DCHS2: variants seen among roughly 807,000 people sequenced by gnomAD.
DCHS2 encodes dachsous cadherin-related 2.
Under a neutral mutation model 182.4 loss-of-function variants are expected in DCHS2, and 142 were observed. The observed-to-expected ratio is 0.78, with a 90% CI of 0.68 to 0.89. The LOEUF is 0.89. Ranked by LOEUF, DCHS2 falls within the 40% of genes least tolerant of loss-of-function variation. DCHS2 has a pLI of 0.00. For missense variants in DCHS2, 4,319 were observed against 4,198.6 expected (o/e 1.03, Z -0.79); for synonymous variants, 1,740 against 1,663.3 (o/e 1.05, Z -1.12).
chr4:154,464,726 C>G (rs1735165458), intron 1 of DCHS2, among the ~76,000 whole-genome samples: 1 of 152,126 alleles, frequency 6.6e-6, no homozygotes, highest in Admixed American at 6.5e-5. Context: ...GAGACTGAGG[C>G]TGAACAGGAT....
At chr4:154,404,444 C>T (rs976950192) in intron 1 of DCHS2, among the ~76,000 whole-genome samples, 1 of 152,170 alleles carries the variant, frequency 6.6e-6, no homozygotes, top group African/African-American at 2.4e-5. Flanking sequence ...AACACGTGAT[C>T]TATGATGCTG....
rs751119232 is a variant in DCHS2, at chr4:154,235,733, A to G, written c.8919T>C (p.Thr2973=). 3.1e-6 allele frequency: 5 copies of G among 1,613,990 alleles called. No individual in the cohort carries two copies. The Admixed American group carries it at 5.0e-5, about 16-fold the overall frequency. The change falls in exon 20 of 20, where the codon ACT becomes ACC. Residue 2973 remains threonine, a synonymous_variant. Transcript: ENST00000357232. ...AGGAGAAAGACACATTCACAAAAAC[A>G]GTGCAAGATGCAAACTTGGAATCTG... ...PKSDSKFASC[T]VFVNVSFSSE... is the part of the protein sequence containing the mutation.
rs1298033009 is a variant in DCHS2 at position 154,233,342 on chromosome 4, T to G, written c.*1194A>C. The G allele has an allele frequency of 6.6e-6, 1 of 152,144 alleles. No homozygotes were observed. The highest frequency in any genetic ancestry group is 1.5e-5 in the Non-Finnish European group (1 of 68,010). The allele number at this position is 152,144 out of a possible 1,614,324, so 9.4% of individuals were successfully genotyped here. Reference sequence around the variant, plus strand: ...GTGAGCACCATCTAGCACTGCTATATTTCTAAAATAGTAATTGTACAGAGT... The same window carrying G: ...GTGAGCACCATCTAGCACTGCTATAGTTCTAAAATAGTAATTGTACAGAGT... On this transcript the variant is annotated 3_prime_UTR_variant, in exon 20 of 20. Transcript: ENST00000357232.
At position 154,308,606 on chromosome 4, in the gene DCHS2, A is replaced by C. The variant is rs1735545596; in HGVS notation, c.5261-3375T>G. Reference sequence around the variant, plus strand: ...TCAGAGTTTCTCTCTAGAGTGGAAGATGATTAAATCAACGAGTAATGGAAA... The same window carrying C: ...TCAGAGTTTCTCTCTAGAGTGGAAGCTGATTAAATCAACGAGTAATGGAAA... On this transcript the variant is annotated intron_variant, in intron 10 of 19. Transcript: ENST00000357232. Among the ~76,000 whole-genome samples the C allele has an allele frequency of 1.3e-5, 2 of 152,226 alleles. 1 individual carries two copies. The highest frequency in any genetic ancestry group is 4.1e-4 in the South Asian group (2 of 4,826).
At chr4:154,397,613 G>A (rs1026989860) in intron 1 of DCHS2, among the ~76,000 whole-genome samples, 1 of 152,106 alleles carries the variant, frequency 6.6e-6, no homozygotes, top group Non-Finnish European at 1.5e-5. Flanking sequence ...CCTCCTTAGT[G>A]GGTACCTTTT....
intron 1 of DCHS2, among the ~76,000 whole-genome samples, chr4:154,487,955 A>G (rs1426194707): frequency 6.6e-6 from 1 of 152,188 alleles, no homozygotes; most frequent in Non-Finnish European, 1.5e-5. Flanking sequence ...AGGCGGGAGT[A>G]TCATTTGAGC....
intron 13 of DCHS2, among the ~76,000 whole-genome samples, chr4:154,293,896 A>G (rs1288319947): frequency 1.3e-5 from 2 of 152,158 alleles, no homozygotes; most frequent in South Asian, 2.1e-4. Flanking sequence ...TGGAGGCCCC[A>G]AGCTTTGTGC....
intron 1 of DCHS2, among the ~76,000 whole-genome samples, chr4:154,431,104 T>A (rs1406038095): frequency 6.6e-6 from 1 of 152,194 alleles, no homozygotes; most frequent in African/African-American, 2.4e-5. Flanking sequence ...CCCAAAAAAA[T>A]CTGCTGAGAT....
At position 154,261,097 on chromosome 4, in the gene DCHS2, A is replaced by G. The variant is rs575154544; in HGVS notation, c.6578-1341T>C. ...TCAAATAGAGAGTTTCTGAATGAAC[A>G]CTAATTTGGAGTTAGAGAAACCTGA... On this transcript the variant is annotated intron_variant, in intron 14 of 19. Coordinates refer to ENST00000357232, the MANE Select transcript of DCHS2 (RefSeq NM_001358235.2). Among the ~76,000 whole-genome samples, 39 of 152,284 alleles carry G rather than the reference A, an allele frequency of 2.6e-4. 1 individual carries two copies. The highest frequency in any genetic ancestry group is 5.1e-4 in the Non-Finnish European group (35 of 68,014).
At chr4:154,278,985 GA>G in intron 13 of DCHS2, among the ~76,000 whole-genome samples, 1 of 152,048 alleles carries the variant, frequency 6.6e-6, no homozygotes, top group African/African-American at 2.4e-5. Context: ...CAATAGTGAT[GA>G]AAAAATCACT....
At chr4:154,458,704 C>A (rs1253897941) in intron 1 of DCHS2, among the ~76,000 whole-genome samples, 1 of 152,104 alleles carries the variant, frequency 6.6e-6, no homozygotes, top group African/African-American at 2.4e-5. Flanking sequence ...CAAATATGTG[C>A]AGATATATGC....
At chr4:154,430,909 T>C (rs1733533644) in intron 1 of DCHS2, among the ~76,000 whole-genome samples, 1 of 152,222 alleles carries the variant, frequency 6.6e-6, no homozygotes, top group Non-Finnish European at 1.5e-5. Flanking sequence ...GGCTCTCTTC[T>C]GTTCCATTGA....
At chr4:154,415,446 G>A (rs1289717637) in intron 1 of DCHS2, among the ~76,000 whole-genome samples, 1 of 152,164 alleles carries the variant, frequency 6.6e-6, no homozygotes, top group East Asian at 1.9e-4. Flanking sequence ...GCCTCTGGGG[G>A]TGCCACCACA....
chr4:154,424,124 T>C (rs1031654993), intron 1 of DCHS2, among the ~76,000 whole-genome samples: 2 of 152,214 alleles, frequency 1.3e-5, no homozygotes, highest in African/African-American at 4.8e-5. Context: ...GTTTCATTGC[T>C]GCATCCTTGG....
chr4:154,455,548 T>C (rs1173033258), intron 1 of DCHS2, among the ~76,000 whole-genome samples: 2 of 152,214 alleles, frequency 1.3e-5, no homozygotes, highest in Non-Finnish European at 2.9e-5. Context: ...TTTGCTTGGC[T>C]CCATTTTGCA....
chr4:154,418,550 A>G (rs1231600010), intron 1 of DCHS2, among the ~76,000 whole-genome samples: 1 of 152,226 alleles, frequency 6.6e-6, no homozygotes, highest in African/African-American at 2.4e-5. Context: ...TTTATTTCAG[A>G]AGAGCCAATG....
In DCHS2 at chr4:154,234,954, T is replaced by G; in HGVS notation, c.9698A>C (p.His3233Pro). Residue 3233 changes from histidine to proline, a missense_variant, in exon 20 of 20, where the codon CAC becomes CCC. His to Pro is a moderately conservative substitution (Grantham distance 77, BLOSUM62 -2). Coordinates refer to ENST00000357232, the MANE Select transcript of DCHS2 (RefSeq NM_001358235.2). ...CTCCCAACTAAGAAGATAATTCCAG[T>G]GATAGTTGTCTTTTCCATCATGATC... The part of the protein sequence containing the change: ...TSDHDGKDNY[H>P]WNYLLSWEPK... 1 of 1,614,046 alleles carries G rather than the reference T, an allele frequency of 6.2e-7. No individual in the cohort carries two copies. The highest frequency in any genetic ancestry group is 8.5e-7 in the Non-Finnish European group (1 of 1,179,964).
chr4:154,462,986 A>G (rs1349872211), intron 1 of DCHS2, among the ~76,000 whole-genome samples: 2 of 152,030 alleles, frequency 1.3e-5, no homozygotes, highest in African/African-American at 2.4e-5. Context: ...AAAACCTCAA[A>G]GATGAACCAT....
rs573719395 is a variant in DCHS2, at chr4:154,322,653, T to A, written c.4019-165A>T. The stretch of plus-strand genomic sequence containing the variant: ...AAAATAGACAAGAAACATCACTTTT[T>A]AAAAATTTTTATTATGGAAAATGCA... On this transcript the variant is annotated intron_variant, in intron 7 of 19. Transcript: ENST00000357232. 4.0e-4 allele frequency: 407 copies of A among 1,006,790 alleles called. 1 individual carries two copies. Among genetic ancestry groups the A allele is most frequent in the Non-Finnish European group, 5.1e-4 (374 of 736,262 alleles). 62.4% of individuals were successfully genotyped at this position (1,006,790 alleles called of 1,614,324 possible).
Sources: gnomAD v4.1 joint callset for allele counts (sites outside exome capture counted in the v4.1 genomes callset) on GRCh38, gnomAD v4.1.1 for gene constraint, MANE v1.5 for transcripts, NCBI Gene and HGNC (gene_info 2026-07-23, HGNC 2026-07-21) for gene names.